The following SLC45A4 variants were observed in gnomAD, a reference collection of about 807,000 sequenced individuals.
SLC45A4 encodes the protein polyamine-transporter SLC45A4.
A neutral mutation model predicts 63.7 loss-of-function variants in SLC45A4; 32 were observed. The observed-to-expected ratio is 0.50, with a 90% confidence interval of 0.38 to 0.67. The LOEUF (loss-of-function observed/expected upper bound fraction) is 0.67. Among genes scored for constraint, SLC45A4 ranks in the 30% least tolerant of loss-of-function variants. The pLI, the probability that SLC45A4 is intolerant of heterozygous loss-of-function variation, is 0.00. For missense variants in SLC45A4, 1,027 were observed against 1,157.7 expected, an observed-to-expected ratio of 0.89 and a Z score of 1.64; for synonymous variants, 535 against 510.0, an observed-to-expected ratio of 1.05 and a Z score of -0.66.
intron 2 of SLC45A4, among the ~76,000 whole-genome samples, chr8:141,245,549 G>T (rs1205305259): frequency 1.3e-5 from 2 of 152,142 alleles, no homozygotes; most frequent in Non-Finnish European, 1.5e-5. Flanking sequence ...GAATCCCAGA[G>T]CATCAGGGAC....
At chr8:141,262,001 A>C (rs912931065) in intron 1 of SLC45A4, among the ~76,000 whole-genome samples, 3 of 152,204 alleles carry the variant, frequency 2.0e-5, no homozygotes, top group Non-Finnish European at 4.4e-5. Context: ...ACAGCATGGT[A>C]CTGGTACCAA....
intron 1 of SLC45A4, among the ~76,000 whole-genome samples, chr8:141,284,934 G>A (rs1019069785): frequency 6.6e-6 from 1 of 151,944 alleles, no homozygotes; most frequent in Non-Finnish European, 1.5e-5. Context: ...AGCGTCCACC[G>A]TGGCATGCAG....
chr8:141,244,971 G>A (rs774559659), intron 2 of SLC45A4, among the ~76,000 whole-genome samples: 6 of 110,104 alleles, frequency 5.4e-5, no homozygotes, highest in Non-Finnish European at 9.7e-5. Flanking sequence ...GGGGGGGGGC[G>A]GTGTGGAGGT....
intron 2 of SLC45A4, among the ~76,000 whole-genome samples, chr8:141,235,806 G>A (rs768526908): frequency 3.9e-5 from 6 of 152,292 alleles, no homozygotes; most frequent in Admixed American, 6.5e-5. Flanking sequence ...TGAAATGTAC[G>A]AAACATCAGA....
intron 2 of SLC45A4, among the ~76,000 whole-genome samples, chr8:141,251,938 G>A (rs1828485640): frequency 6.7e-6 from 1 of 148,838 alleles, no homozygotes; most frequent in East Asian, 2.0e-4. Flanking sequence ...AAAATGCTAC[G>A]ATTTCACACT....
intron 2 of SLC45A4, chr8:141,228,220 A>T: frequency 6.2e-7 from 1 of 1,614,120 alleles, no homozygotes; most frequent in Non-Finnish European, 8.5e-7. Context: ...TGGACTCACA[A>T]GGGTCTTTGG....
chr8:141,291,723 T>C (rs1238297176), intron 1 of SLC45A4, among the ~76,000 whole-genome samples: 3 of 152,056 alleles, frequency 2.0e-5, no homozygotes, highest in Non-Finnish European at 1.5e-5. Context: ...GTGTCTGGAG[T>C]GGAGTCCCTG....
At chr8:141,219,865 A>G in intron 3 of SLC45A4, 36 bp from the exon 4 acceptor site, 1 of 1,518,702 alleles carries the variant, frequency 6.6e-7, no homozygotes, top group South Asian at 1.2e-5. Context: ...TCAGGTCCTC[A>G]AGCACTGGCC....
At chr8:141,261,901 A>T (rs1396966386) in intron 1 of SLC45A4, among the ~76,000 whole-genome samples, 2 of 152,264 alleles carry the variant, frequency 1.3e-5, no homozygotes, top group Non-Finnish European at 2.9e-5. Context: ...ACCAATAAAG[A>T]GCCTGCATCG....
At chr8:141,269,459 T>C (rs572320769) in intron 1 of SLC45A4, among the ~76,000 whole-genome samples, 1 of 123,060 alleles carries the variant, frequency 8.1e-6, no homozygotes, top group South Asian at 2.4e-4. Context: ...TGTCTGCCTA[T>C]GTGTCTGTGT....
intron 1 of SLC45A4, among the ~76,000 whole-genome samples, chr8:141,289,458 G>A (rs962890059): frequency 2.0e-5 from 3 of 152,154 alleles, no homozygotes; most frequent in East Asian, 1.9e-4. Flanking sequence ...ATTCAAACAA[G>A]GATTCTAATC....
intron 2 of SLC45A4, among the ~76,000 whole-genome samples, 163 bp downstream of exon 2, chr8:141,253,826 C>A (rs534338240): frequency 6.6e-6 from 1 of 152,198 alleles, no homozygotes; most frequent in African/African-American, 2.4e-5. Context: ...AAACAGGAGA[C>A]GAAAACCACC....
chr8:141,303,863 C>T (rs141255961), intron 1 of SLC45A4, among the ~76,000 whole-genome samples: 1 of 152,270 alleles, frequency 6.6e-6, no homozygotes, highest in East Asian at 1.9e-4. Flanking sequence ...CTCACTGGGG[C>T]CTGGGCCCAG....
chr8:141,300,515 G>C (rs777369022), intron 1 of SLC45A4, among the ~76,000 whole-genome samples: 5 of 152,202 alleles, frequency 3.3e-5, no homozygotes, highest in Admixed American at 1.3e-4. Context: ...TCTGGTTCTC[G>C]GGCAGAGGCC....
At chr8:141,216,846 G>C (rs547958068) in intron 6 of SLC45A4, among the ~76,000 whole-genome samples, 24 of 152,348 alleles carry the variant, frequency 1.6e-4, no homozygotes, top group African/African-American at 5.8e-4. Context: ...CGCACAGGCA[G>C]GACAGGCCCC....
chr8:141,249,729 A>G (rs1479850930), intron 2 of SLC45A4, among the ~76,000 whole-genome samples: 1 of 152,246 alleles, frequency 6.6e-6, no homozygotes, highest in Non-Finnish European at 1.5e-5. Context: ...GGGTATGGAC[A>G]GCAGACAACT....
chr8:141,239,984 T>C (rs1031499368), intron 2 of SLC45A4, among the ~76,000 whole-genome samples: 24 of 152,164 alleles, frequency 1.6e-4, no homozygotes, highest in African/African-American at 5.8e-4. Flanking sequence ...TTTTCAAGAG[T>C]AGACTTTTCC....
In SLC45A4 at chr8:141,208,117, G is replaced by A. The variant is rs1046854247; in HGVS notation, c.*3455C>T. On this transcript the variant is annotated 3_prime_UTR_variant, in exon 9 of 9. Transcript: ENST00000517878. ...TAAAGCTGGACCAAAGTTAAGAAGC[G>A]AAACAGCGTGGGAAAAGGTGTCCAT... 7.9e-5 allele frequency: 12 copies of A among 152,252 alleles called. No individual in the cohort carries two copies. The highest frequency in any genetic ancestry group is 1.4e-4 in the African/African-American group (6 of 41,464). The allele number at this position is 152,252 out of a possible 1,614,324, so 9.4% of individuals were successfully genotyped here.
At chr8:141,266,522 A>G (rs1053030467) in intron 1 of SLC45A4, among the ~76,000 whole-genome samples, 1 of 152,190 alleles carries the variant, frequency 6.6e-6, no homozygotes, top group Non-Finnish European at 1.5e-5. Context: ...GAACACTAAC[A>G]GCAGCATTGG....
Sources: gnomAD v4.1 joint callset for allele counts (sites outside exome capture counted in the v4.1 genomes callset) on GRCh38, gnomAD v4.1.1 for gene constraint, MANE v1.5 for transcripts, NCBI Gene and HGNC (gene_info 2026-07-23, HGNC 2026-07-21) for gene names.